CDKN2B-AS1: variants seen among roughly 807,000 people sequenced by gnomAD.
CDKN2B-AS1 encodes CDKN2B and CDKN2A antisense cis and trans regulatory RNA 1.
In CDKN2B-AS1 at chr9:22,006,748, T is replaced by C. The variant is rs1461392395; in HGVS notation, n.29+11587T>C. Among the ~76,000 whole-genome samples, 2 of 152,074 alleles carry C rather than the reference T, an allele frequency of 1.3e-5. No individual in the cohort carries two copies. The highest frequency in any genetic ancestry group is 2.9e-5 in the Non-Finnish European group (2 of 68,038). On this transcript the variant is annotated intron_variant and non_coding_transcript_variant, in intron 1 of 4. Transcript: ENST00000650946. The surrounding 1 kb of genome is among the most constrained non-coding windows in gnomAD (Gnocchi z 6.4). The stretch of plus-strand genomic sequence containing the variant: ...GGGAGAAAATAAACAACTAAGTTTT[T>C]TTCTTTCTTTTTTTTTTAATTTATT...
Position 22,092,967 on chromosome 9 carries a change from A to G in CDKN2B-AS1, n.439-34136A>G, listed in dbSNP as rs541629580. Among the ~76,000 whole-genome samples, 13 of 152,290 alleles carry G rather than the reference A, an allele frequency of 8.5e-5. No individual in the cohort carries two copies. The South Asian group carries it at 2.5e-3, about 29-fold the overall frequency. The stretch of plus-strand genomic sequence containing the variant: ...CTTTCTCTTGTGGGCATTTAGTGCT[A>G]TAAATTTCCCTCTACACACTGCTTT... On this transcript the variant is annotated intron_variant and non_coding_transcript_variant, in intron 4 of 4. Coordinates refer to ENST00000650946, the Ensembl canonical transcript of CDKN2B-AS1.
At chr9:22,032,593 T>A (rs577010624) in intron 1 of CDKN2B-AS1, 1 of 152,084 alleles carries the variant, frequency 6.6e-6, no homozygotes, top group Non-Finnish European at 1.5e-5. Flanking sequence ...GTTTTCATTT[T>A]TTTATTTATG....
chr9:22,106,784 C>A (rs1404400170), intron 4 of CDKN2B-AS1, among the ~76,000 whole-genome samples: 1 of 151,974 alleles, frequency 6.6e-6, no homozygotes. Flanking sequence ...GTAATAATAA[C>A]CAAAAGTTAC....
At chr9:22,103,131 ATGTGTGTGTGTGTGTG>A (rs3221506) in intron 4 of CDKN2B-AS1, among the ~76,000 whole-genome samples, 1,693 of 132,518 alleles carry the variant, frequency 0.013, 33 homozygotes, top group African/African-American at 0.044. Context: ...TCTAGAACAG[ATGTGTGTGTGTGTGTG>A]TGTGTGTGTG....
chr9:22,006,092 C>G lies in CDKN2B-AS1; in HGVS notation n.29+10931C>G. 23 of 1,608,274 alleles carry G rather than the reference C, an allele frequency of 1.4e-5. No homozygotes were observed. The highest frequency in any genetic ancestry group is 1.9e-5 in the Non-Finnish European group (22 of 1,179,706). Reference sequence around the variant, plus strand: ...CCCAGGCATCGCGCACGTCCAGCCGCGCCCCGGCCCGGTGCAGCACCACCA... The same window carrying G: ...CCCAGGCATCGCGCACGTCCAGCCGGGCCCCGGCCCGGTGCAGCACCACCA... On this transcript the variant is annotated intron_variant and non_coding_transcript_variant, in intron 1 of 4. Coordinates refer to ENST00000650946, the Ensembl canonical transcript of CDKN2B-AS1. The surrounding 1 kb of genome is among the most constrained non-coding windows in gnomAD (Gnocchi z 6.4).
intron 1 of CDKN2B-AS1, among the ~76,000 whole-genome samples, chr9:22,007,435 A>G (rs1490525100): frequency 6.6e-6 from 1 of 152,214 alleles, no homozygotes; most frequent in Non-Finnish European, 1.5e-5. Flanking sequence ...TAACTTAGAA[A>G]AAATGATGTT....
chr9:22,091,533 G>A (rs1478588406), intron 4 of CDKN2B-AS1, among the ~76,000 whole-genome samples: 1 of 152,074 alleles, frequency 6.6e-6, no homozygotes, highest in Non-Finnish European at 1.5e-5. Flanking sequence ...TCCTTGAAGA[G>A]GTCCTTCACA....
At chr9:22,040,895 G>A (rs1822870582) in intron 1 of CDKN2B-AS1, among the ~76,000 whole-genome samples, 1 of 152,016 alleles carries the variant, frequency 6.6e-6, no homozygotes, top group Non-Finnish European at 1.5e-5. Context: ...GAGGTTCCCT[G>A]ACTTCCCAGG....
intron 4 of CDKN2B-AS1, among the ~76,000 whole-genome samples, chr9:22,117,404 T>G (rs1162387807): frequency 2.0e-5 from 3 of 151,826 alleles, no homozygotes; most frequent in African/African-American, 4.8e-5. Context: ...AAATGAAGGG[T>G]TGGGGGGGAA....
intron 1 of CDKN2B-AS1, among the ~76,000 whole-genome samples, chr9:22,045,068 G>GTA (rs1463276965): frequency 1.3e-5 from 2 of 151,212 alleles, no homozygotes; most frequent in Admixed American, 6.6e-5. Flanking sequence ...GTGTGTGTGT[G>GTA]TGTATTTATT....
Position 21,995,141 on chromosome 9 carries a change from C to T in CDKN2B-AS1, n.9C>T, listed in dbSNP as rs988951589. 2 of 152,228 alleles carry T rather than the reference C, an allele frequency of 1.3e-5. No individual in the cohort carries two copies. Among genetic ancestry groups the T allele is most frequent in the Admixed American group, 1.3e-4 (2 of 15,294 alleles). The allele number at this position is 152,228 out of a possible 1,614,324, so 9.4% of individuals were successfully genotyped here. On this transcript the variant is annotated non_coding_transcript_exon_variant, in exon 1 of 5. Transcript: ENST00000650946. This position sits in a 1 kb window ranked among gnomAD's most constrained non-coding sequence, Gnocchi z 5.7. Reference sequence around the variant, plus strand: ...GCGCTGGCGCTGCCGGAGCTGTCGACCCGGCCTGGCGCCGGACTAGGTAGG... The same window carrying T: ...GCGCTGGCGCTGCCGGAGCTGTCGATCCGGCCTGGCGCCGGACTAGGTAGG...
upstream of CDKN2B-AS1, chr9:21,994,814 G>A (rs996068331): frequency 5.9e-6 from 1 of 170,718 alleles, no homozygotes; most frequent in African/African-American, 2.4e-5. Flanking sequence ...ACCTGACACG[G>A]CCCTACCAGG....
At chr9:22,056,472 A>G (rs981009781) in intron 4 of CDKN2B-AS1, 10 of 152,148 alleles carry the variant, frequency 6.6e-5, no homozygotes, top group African/African-American at 2.2e-4. Flanking sequence ...AAATTGCCAC[A>G]TAGATTAGAG....
At chr9:22,008,191 C>G (rs1821288929) in intron 1 of CDKN2B-AS1, among the ~76,000 whole-genome samples, 1 of 152,160 alleles carries the variant, frequency 6.6e-6, no homozygotes, top group African/African-American at 2.4e-5. Flanking sequence ...TTTTTGTAAT[C>G]TGGGCACTGA....
At chr9:22,042,182 T>C (rs1822923425) in intron 1 of CDKN2B-AS1, among the ~76,000 whole-genome samples, 2 of 152,064 alleles carry the variant, frequency 1.3e-5, no homozygotes, top group East Asian at 3.9e-4. Flanking sequence ...AAGTTCTCTT[T>C]CCTATTTTCT....
chr9:22,067,435 T>G (rs944057123), intron 4 of CDKN2B-AS1, among the ~76,000 whole-genome samples: 1 of 152,130 alleles, frequency 6.6e-6, no homozygotes, highest in Non-Finnish European at 1.5e-5. Flanking sequence ...GATTGAGTCA[T>G]GTAGGCAACT....
At chr9:22,065,663 C>G (rs910589140) in intron 4 of CDKN2B-AS1, 1 of 152,128 alleles carries the variant, frequency 6.6e-6, no homozygotes, top group East Asian at 1.9e-4. Context: ...CCTTTGAAGG[C>G]CTGGGACATG....
intron 1 of CDKN2B-AS1, among the ~76,000 whole-genome samples, chr9:22,031,637 T>C (rs1469014458): frequency 6.6e-6 from 1 of 152,092 alleles, no homozygotes; most frequent in Non-Finnish European, 1.5e-5. Context: ...TGAAAAAAAA[T>C]AAAAGATGAA....
intron 4 of CDKN2B-AS1, among the ~76,000 whole-genome samples, chr9:22,074,623 G>C (rs1422015281): frequency 2.6e-5 from 4 of 152,190 alleles, no homozygotes; most frequent in Non-Finnish European, 5.9e-5. Context: ...CCACTGCTGA[G>C]AGCTGGAAGC....
Sources: allele counts gnomAD v4.1 joint callset (sites outside exome capture counted in the v4.1 genomes callset), GRCh38; gene constraint gnomAD v4.1.1; non-coding constraint Gnocchi (gnomAD v3.1); transcripts MANE v1.5; gene names NCBI Gene and HGNC (gene_info 2026-07-23, HGNC 2026-07-21).